The following FAM170A variants were observed in gnomAD, a reference collection of about 807,000 sequenced individuals.
FAM170A encodes protein FAM170A.
A neutral mutation model predicts 36.6 loss-of-function variants in FAM170A; 28 were observed. That is an observed-to-expected ratio of 0.76 (90% CI 0.57 to 1.05). FAM170A has a LOEUF of 1.05. FAM170A is among the 50% of genes least tolerant of loss of function. The pLI is 0.00. For missense variants in FAM170A, 434 were observed against 396.5 expected, an observed-to-expected ratio of 1.09 and a Z score of -0.80; for synonymous variants, 156 against 143.9, an observed-to-expected ratio of 1.08 and a Z score of -0.60.
chr5:119,634,353 G>C, exon 3 of FAM170A: 1 of 1,614,186 alleles, frequency 6.2e-7, no homozygotes. Flanking sequence ...GAATCAGACA[G>C]CCTGCCAGGC....
chr5:119,631,315 G>C (rs1756246303), intron 1 of FAM170A, among the ~76,000 whole-genome samples: 1 of 152,158 alleles, frequency 6.6e-6, no homozygotes, highest in South Asian at 2.1e-4. Flanking sequence ...AGAGCAGGGG[G>C]CTGGGACAGG....
intron 1 of FAM170A, among the ~76,000 whole-genome samples, 200 bp downstream of exon 1, chr5:119,630,038 C>G (rs539212879): frequency 1.3e-5 from 2 of 151,914 alleles, no homozygotes; most frequent in South Asian, 2.1e-4. Flanking sequence ...ACTACAGGTG[C>G]CCACCACCAC....
chr5:119,634,288 C>A (rs779214174), exon 3 of FAM170A: 8 of 1,614,056 alleles, frequency 5.0e-6, no homozygotes, highest in Non-Finnish European at 4.2e-6. Flanking sequence ...CCACCAGAAA[C>A]CTCCTGTCTG....
At chr5:119,633,451 G>A (rs990144696) in intron 2 of FAM170A, among the ~76,000 whole-genome samples, 1 of 151,990 alleles carries the variant, frequency 6.6e-6, no homozygotes, top group African/African-American at 2.4e-5. Context: ...CACTTTCATC[G>A]GAACTATTTG....
chr5:119,635,183 G>T lies in FAM170A; in HGVS notation c.*52+97G>T, dbSNP rs543206861. On this transcript the variant is annotated intron_variant, in intron 4 of 4. Coordinates refer to ENST00000613773, the Ensembl canonical transcript of FAM170A. ...CAGGGATGCACTGGGTCACCTGGTG[G>T]CTCTGCAGCCACATCAACTTATCGT... 2.2e-5 allele frequency: 18 copies of T among 810,972 alleles called. No individual in the cohort carries two copies. In the East Asian group the frequency reaches 4.6e-4, roughly 21 times the overall value. 50.2% of individuals were successfully genotyped at this position (810,972 alleles called of 1,614,324 possible). A position where few individuals can be genotyped will look rare whatever the true frequency, so the allele number is the denominator to read the frequency against.
At chr5:119,633,985 C>T in exon 3 of FAM170A, 1 of 1,613,118 alleles carries the variant, frequency 6.2e-7, no homozygotes, top group Non-Finnish European at 8.5e-7. Context: ...ATCGAGACAG[C>T]CCCCAGCCTC....
chr5:119,632,283 G>A (rs1487983123), intron 1 of FAM170A, among the ~76,000 whole-genome samples: 1 of 152,174 alleles, frequency 6.6e-6, no homozygotes, highest in African/African-American at 2.4e-5. Context: ...AGAGTGGACT[G>A]GTGTCTGATT....
At chr5:119,629,616 G>A (rs999663600) in exon 1 of FAM170A, 3 of 586,330 alleles carry the variant, frequency 5.1e-6, no homozygotes, top group Admixed American at 2.6e-5. Flanking sequence ...TTCACTAAGC[G>A]GTCTGAGTTC....
chr5:119,631,009 C>A (rs1238720876), intron 1 of FAM170A, among the ~76,000 whole-genome samples: 3 of 152,114 alleles, frequency 2.0e-5, no homozygotes, highest in African/African-American at 7.2e-5. Flanking sequence ...CCAATTAATC[C>A]AATAGAGTTT....
intron 2 of FAM170A, 74 bp from the exon 3 acceptor site, chr5:119,633,886 C>T: frequency 6.5e-7 from 1 of 1,538,196 alleles, no homozygotes; most frequent in East Asian, 2.3e-5. Context: ...CTGCACCACA[C>T]ATATTTAACT....
chr5:119,630,833 G>A (rs988119883), intron 1 of FAM170A, among the ~76,000 whole-genome samples: 1 of 152,220 alleles, frequency 6.6e-6, no homozygotes, highest in Non-Finnish European at 1.5e-5. Flanking sequence ...TCTATGATTT[G>A]CACTACACCT....
intron 1 of FAM170A, among the ~76,000 whole-genome samples, chr5:119,631,174 C>G (rs963519009): frequency 6.6e-6 from 1 of 152,182 alleles, no homozygotes; most frequent in Admixed American, 6.5e-5. Flanking sequence ...ATGCAGGAGA[C>G]AGGGCAGAAA....
At chr5:119,633,971 A>C in exon 3 of FAM170A, 1 of 1,609,846 alleles carries the variant, frequency 6.2e-7, no homozygotes, top group South Asian at 1.1e-5. Flanking sequence ...AATCCAGAGA[A>C]TACATCGAGA....
In FAM170A at chr5:119,634,722, C is replaced by CA. The variant is rs1756342711; in HGVS notation, c.977dup (p.Asp327GlyfsTer30). On this transcript the variant is annotated frameshift_variant, in exon 3 of 5. Coordinates refer to ENST00000613773, the Ensembl canonical transcript of FAM170A. LOFTEE classifies it high-confidence loss of function. The stretch of plus-strand genomic sequence containing the variant: ...TGTCCAGGCTGTGTGTTTCATTCTC[C>CA]AAAGGACAGGAAGTGAGCAAAGCCT... 6.5e-7 allele frequency: 1 copy of CA among 1,541,610 alleles called. No homozygotes were observed. The highest frequency in any genetic ancestry group is 1.3e-5 in the South Asian group (1 of 77,476).
chr5:119,631,820 T>TA (rs1233335130), intron 1 of FAM170A, among the ~76,000 whole-genome samples: 2 of 152,138 alleles, frequency 1.3e-5, no homozygotes, highest in African/African-American at 2.4e-5. Context: ...TCACACATCA[T>TA]ACATGCCATA....
chr5:119,634,635 C>T (rs760764849), exon 3 of FAM170A: 3 of 1,610,058 alleles, frequency 1.9e-6, no homozygotes, highest in Non-Finnish European at 2.5e-6. Flanking sequence ...AAACCAGAAG[C>T]AAAGGAGGAG....
At chr5:119,634,484 C>A in exon 3 of FAM170A, 2 of 1,614,176 alleles carry the variant, frequency 1.2e-6, no homozygotes, top group South Asian at 2.2e-5. Flanking sequence ...CCTCCAGGAG[C>A]ATGTGCAGTT....
At chr5:119,630,321 ATTTTTTTTTTTTTT>A (rs10603530) in intron 1 of FAM170A, among the ~76,000 whole-genome samples, 1 of 118,392 alleles carries the variant, frequency 8.4e-6, no homozygotes, top group Admixed American at 8.6e-5. Context: ...CGCCTGGCTA[ATTTTTTTTTTTTTT>A]TTTTTTTTTG....
intron 1 of FAM170A, among the ~76,000 whole-genome samples, chr5:119,630,594 G>C (rs1246038832): frequency 6.6e-6 from 1 of 152,128 alleles, no homozygotes; most frequent in Admixed American, 6.5e-5. Context: ...GATGTGAGAC[G>C]GACAGGAAGT....
Sources: gnomAD v4.1 joint callset for allele counts (sites outside exome capture counted in the v4.1 genomes callset) on GRCh38, gnomAD v4.1.1 for gene constraint, MANE v1.5 for transcripts, NCBI Gene and HGNC (gene_info 2026-07-23, HGNC 2026-07-21) for gene names.